Variants in ABHD5 observed in about 807,000 individuals in gnomAD.
ABHD5 encodes 1-acylglycerol-3-phosphate O-acyltransferase ABHD5.
In ABHD5, 30 loss-of-function variants were observed where a neutral mutation model predicts 44.9. The observed-to-expected ratio is 0.67, with a 90% CI of 0.50 to 0.91. ABHD5 has a LOEUF of 0.91. Ranked by LOEUF, ABHD5 falls within the 40% of genes least tolerant of loss-of-function variation. The pLI is 0.00. For synonymous variants in ABHD5, 167 were observed against 147.0 expected (o/e 1.14, Z -0.99); for missense variants, 399 against 423.4 (o/e 0.94, Z 0.50).
rs538999447 is a variant in ABHD5 at position 43,710,535 on chromosome 3, C to T, written c.507-1174C>T. ...TCCTTCTTATCTAAGATGATTGCACCCAATATTCTCCAAGGTACCATAGAG... is the reference window on the plus strand; with the variant it reads ...TCCTTCTTATCTAAGATGATTGCACTCAATATTCTCCAAGGTACCATAGAG... On this transcript the variant is annotated intron_variant, in intron 3 of 6. Coordinates refer to ENST00000644371, the MANE Select transcript of ABHD5 (RefSeq NM_016006.6). Among the ~76,000 whole-genome samples, 5 of 152,178 alleles carry T rather than the reference C, an allele frequency of 3.3e-5. No individual in the cohort carries two copies. The South Asian group carries it at 1.0e-3, about 32-fold the overall frequency.
intron 7 of ABHD5, among the ~76,000 whole-genome samples, chr3:43,733,002 G>A (rs548899665): frequency 2.0e-5 from 3 of 152,320 alleles, no homozygotes; most frequent in South Asian, 2.1e-4. Flanking sequence ...CCTCAACATG[G>A]CCACTTCCTT....
chr3:43,705,019 A>C (rs1008579793), intron 3 of ABHD5, among the ~76,000 whole-genome samples: 2 of 152,216 alleles, frequency 1.3e-5, no homozygotes, highest in Non-Finnish European at 2.9e-5. Flanking sequence ...TTTCAAAATA[A>C]TGATGTTTTC....
chr3:43,732,420 A>C (rs564990822), intron 7 of ABHD5, among the ~76,000 whole-genome samples: 9 of 152,234 alleles, frequency 5.9e-5, no homozygotes, highest in African/African-American at 2.2e-4. Flanking sequence ...AGGAAGCAAA[A>C]TCTGTGTCTC....
At chr3:43,710,543 C>T (rs914529594) in intron 3 of ABHD5, among the ~76,000 whole-genome samples, 1 of 152,170 alleles carries the variant, frequency 6.6e-6, no homozygotes, top group Admixed American at 6.5e-5. Flanking sequence ...ACCCAATATT[C>T]TCCAAGGTAC....
rs552938280 is a variant in ABHD5, at chr3:43,698,064, A to C, written c.48-1212A>C. ...ATTCTACAGGGAAGGGAAATATAGT[A>C]GGATGAACCTACAAAGGTAAGAAAA... On this transcript the variant is annotated intron_variant, in intron 1 of 6. Transcript: ENST00000644371. Among the ~76,000 whole-genome samples, 3 of 152,332 alleles carry C rather than the reference A, an allele frequency of 2.0e-5. No homozygotes were observed. The South Asian group carries it at 6.2e-4, about 32-fold the overall frequency.
At chr3:43,733,494 C>A (rs1697276973) in intron 7 of ABHD5, among the ~76,000 whole-genome samples, 2 of 152,194 alleles carry the variant, frequency 1.3e-5, no homozygotes, top group Non-Finnish European at 2.9e-5. Context: ...ATGGGTTTGG[C>A]AGTTTTGCAT....
In ABHD5 at chr3:43,716,719, C is replaced by T. The variant is rs191298720; in HGVS notation, c.774-952C>T. 4.6e-5 allele frequency among the ~76,000 whole-genome samples: 7 copies of T among 152,192 alleles called. No individual in the cohort carries two copies. In the East Asian group the frequency reaches 5.8e-4, roughly 13 times the overall value. On this transcript the variant is annotated intron_variant, in intron 5 of 6. Transcript: ENST00000644371. ...AACAGTTTTTTTTAGGGGTCTTCCC[C>T]GGGAACATCATTCATTTTCCTGCAT...
At chr3:43,691,092 CG>C in intron 1 of ABHD5, 53 bp downstream of exon 1, 1 of 1,495,872 alleles carries the variant, frequency 6.7e-7, no homozygotes, top group Non-Finnish European at 8.9e-7. Context: ...ACCCTCCGCG[CG>C]GGCCGGGTTA....
In ABHD5 at chr3:43,691,005, G is replaced by A. The variant is rs2149587411; in HGVS notation, c.13G>A (p.Glu5Lys). The A allele has an allele frequency of 1.3e-6, 2 of 1,570,922 alleles. No homozygotes were observed. Among genetic ancestry groups the A allele is most frequent in the Non-Finnish European group, 1.7e-6 (2 of 1,161,550 alleles). Residue 5 changes from glutamate to lysine, a missense_variant, in exon 1 of 7, where the codon GAG (glutamate) becomes AAG (lysine). Transcript: ENST00000644371. MAAE[E>K]EEVDSADTGE... Reference sequence around the variant, plus strand: ...CGCGGCGGCGGCTATGGCGGCGGAGGAGGAGGAGGTGGACTCTGCCGACAC... The same window carrying A: ...CGCGGCGGCGGCTATGGCGGCGGAGAAGGAGGAGGTGGACTCTGCCGACAC...
At chr3:43,711,929 G>A (rs1039919568) in intron 4 of ABHD5, 66 bp downstream of exon 4, 1 of 1,605,550 alleles carries the variant, frequency 6.2e-7, no homozygotes, top group Admixed American at 1.7e-5. Flanking sequence ...ATTCACTATT[G>A]TTAGTCAAAA....
Position 43,721,024 on chromosome 3 carries a change from C to T in ABHD5, c.*2492C>T, listed in dbSNP as rs962293407. 4.6e-5 allele frequency: 7 copies of T among 151,190 alleles called. No homozygotes were observed. The highest frequency in any genetic ancestry group is 3.5e-3 in the Middle Eastern group (1 of 286). 9.4% of individuals were successfully genotyped at this position (151,190 alleles called of 1,614,324 possible). ...ATATTTATACTTAAAGGGCCATACG[C>T]GATTTCAATAAAACAAGAAGTACTG... On this transcript the variant is annotated 3_prime_UTR_variant, in exon 7 of 7. Transcript: ENST00000644371.
intron 1 of ABHD5, among the ~76,000 whole-genome samples, chr3:43,694,331 A>C (rs1278262260): frequency 6.6e-6 from 1 of 151,330 alleles, no homozygotes; most frequent in East Asian, 1.9e-4. Context: ...TGCCTTGACT[A>C]ATTGTTAGAT....
At chr3:43,722,908 G>T (rs2084852882), downstream of ABHD5, among the ~76,000 whole-genome samples, 4 of 152,166 alleles carry the variant, frequency 2.6e-5, no homozygotes, top group African/African-American at 9.7e-5. Context: ...AATACGTATT[G>T]CATAGCTTTG....
chr3:43,710,711 T>C (rs555037790), intron 3 of ABHD5, among the ~76,000 whole-genome samples: 1 of 152,366 alleles, frequency 6.6e-6, no homozygotes, highest in Admixed American at 6.5e-5. Flanking sequence ...TTCTTTACCT[T>C]TCTGTTTCAG....
In ABHD5 at chr3:43,690,980, C is replaced by CGCGGCGGCGGCTATG; in HGVS notation, c.-5_10dup. 2 of 1,571,500 alleles carry CGCGGCGGCGGCTATG rather than the reference C, an allele frequency of 1.3e-6. No homozygotes were observed. Among genetic ancestry groups the CGCGGCGGCGGCTATG allele is most frequent in the Non-Finnish European group, 1.7e-6 (2 of 1,162,228 alleles). On this transcript the variant is annotated 5_prime_UTR_variant, in exon 1 of 7. In the 5' UTR this introduces an upstream ATG that the reference lacks. Transcript: ENST00000644371. ...GCTTCGAGATAAGTCCCGGCGCTTG[C>CGCGGCGGCGGCTATG]GCGGCGGCGGCTATGGCGGCGGAGG...
At position 43,690,948 on chromosome 3, in the gene ABHD5, T is replaced by A. The variant is rs375436268; in HGVS notation, c.-45T>A. 1.7e-4 allele frequency: 269 copies of A among 1,545,052 alleles called. 1 individual carries two copies. The African/African-American group carries it at 3.5e-3, about 20-fold the overall frequency. ...AGCCCGGGGCGGCCCAGTCGGCCTG[T>A]CAGCCGGCTTCGAGATAAGTCCCGG... On this transcript the variant is annotated 5_prime_UTR_variant, in exon 1 of 7. Transcript: ENST00000644371.
chr3:43,702,036 A>C, intron 2 of ABHD5, 179 bp from the exon 3 acceptor site: 1 of 607,030 alleles, frequency 1.6e-6, no homozygotes, highest in Non-Finnish European at 2.8e-6. Context: ...GGTGTAAAAC[A>C]TGGTCATTTA....
intron 3 of ABHD5, 108 bp downstream of exon 3, chr3:43,702,695 T>C: frequency 6.6e-7 from 1 of 1,520,686 alleles, no homozygotes; most frequent in Admixed American, 1.7e-5. Context: ...GCAGACATTC[T>C]CTTAAAGGAC....
chr3:43,695,474 C>T (rs890452769), intron 1 of ABHD5, among the ~76,000 whole-genome samples: 5 of 152,204 alleles, frequency 3.3e-5, no homozygotes, highest in Admixed American at 6.5e-5. Flanking sequence ...GGAATGGAGG[C>T]CATTTTAAAC....
Sources: gnomAD v4.1 joint callset for allele counts (sites outside exome capture counted in the v4.1 genomes callset) on GRCh38, gnomAD v4.1.1 for gene constraint, MANE v1.5 for transcripts, NCBI Gene and HGNC (gene_info 2026-07-23, HGNC 2026-07-21) for gene names.